The following GCH1 variants were observed in gnomAD, a reference collection of about 807,000 sequenced individuals.
GCH1 encodes the protein GTP cyclohydrolase I.
In GCH1, 5 loss-of-function variants were observed where a neutral mutation model predicts 25.9. The ratio of observed to expected loss-of-function variants is 0.19; its 90% CI spans 0.10 to 0.41. The LOEUF (loss-of-function observed/expected upper bound fraction) is 0.41. Among genes scored for constraint, GCH1 ranks in the 10% least tolerant of loss-of-function variants. The pLI is 1.00. For synonymous variants in GCH1, 159 were observed against 129.6 expected (o/e 1.23, Z -1.54); for missense variants, 261 against 336.5 (o/e 0.78, Z 1.75).
intron 3 of GCH1, among the ~76,000 whole-genome samples, chr14:54,852,196 A>C (rs2039741503): frequency 6.6e-6 from 1 of 152,230 alleles, no homozygotes; most frequent in East Asian, 1.9e-4. Flanking sequence ...AGGCTAATTG[A>C]TATAATAAGA....
intron 3 of GCH1, among the ~76,000 whole-genome samples, chr14:54,858,900 G>A (rs769682866): frequency 2.0e-5 from 3 of 152,204 alleles, no homozygotes; most frequent in Non-Finnish European, 4.4e-5. Context: ...GAACGTGTAT[G>A]TACATCACCT....
chr14:54,902,240 A>C, intron 1 of GCH1, 81 bp downstream of exon 1: 2 of 1,472,282 alleles, frequency 1.4e-6, no homozygotes, highest in South Asian at 1.2e-5. Flanking sequence ...CAACTCCGGA[A>C]ACTTCCTGGA....
chr14:54,891,148 G>T (rs974851025), intron 1 of GCH1, among the ~76,000 whole-genome samples: 1 of 152,136 alleles, frequency 6.6e-6, no homozygotes, highest in Non-Finnish European at 1.5e-5. Flanking sequence ...TGTCATCCAG[G>T]TTGGAGTGTA....
At chr14:54,890,789 G>A (rs1416060724) in intron 1 of GCH1, among the ~76,000 whole-genome samples, 4 of 152,088 alleles carry the variant, frequency 2.6e-5, no homozygotes, top group Non-Finnish European at 5.9e-5. Flanking sequence ...GACACGTTCT[G>A]CAAAAAACAA....
At chr14:54,897,276 G>A (rs1043617391) in intron 1 of GCH1, among the ~76,000 whole-genome samples, 4 of 138,500 alleles carry the variant, frequency 2.9e-5, no homozygotes, top group African/African-American at 9.3e-5. Context: ...TTGAGCCCCC[G>A]TGCCCAACCT....
At chr14:54,892,939 C>G (rs888059117) in intron 1 of GCH1, among the ~76,000 whole-genome samples, 2 of 151,950 alleles carry the variant, frequency 1.3e-5, no homozygotes, top group African/African-American at 2.4e-5. Flanking sequence ...ATTAGCCGAG[C>G]ATGGTGGTGG....
In GCH1 at chr14:54,902,318, G is replaced by A. The variant is rs781034069; in HGVS notation, c.343+3C>T. ...CGCTCTAGCAGCCCGCGGGCGCACT[G>A]ACCTGAGATGGTCTCCTGGTAGCCC... On this transcript the variant is annotated splice_donor_region_variant and intron_variant, in intron 1 of 5. Coordinates refer to ENST00000491895, the MANE Select transcript of GCH1 (RefSeq NM_000161.3). 6.2e-6 allele frequency: 10 copies of A among 1,611,872 alleles called. No individual in the cohort carries two copies. In the African/African-American group the frequency reaches 1.3e-4, roughly 22 times the overall value.
chr14:54,896,899 A>T (rs1240198783), intron 1 of GCH1, among the ~76,000 whole-genome samples: 5 of 146,002 alleles, frequency 3.4e-5, no homozygotes, highest in Non-Finnish European at 5.9e-5. Context: ...AGCCTGGGCT[A>T]CAGAGTGAGA....
chr14:54,884,799 C>CAACAA (rs1555361667), intron 1 of GCH1: 6 of 145,978 alleles, frequency 4.1e-5, no homozygotes, highest in African/African-American at 1.6e-4. Context: ...ACAACAACAA[C>CAACAA]AAAAAAAAAG....
chr14:54,852,778 T>C (rs1357562489), intron 3 of GCH1, among the ~76,000 whole-genome samples: 1 of 152,174 alleles, frequency 6.6e-6, no homozygotes, highest in African/African-American at 2.4e-5. Context: ...GTACTTGTTT[T>C]ATATCCTATC....
chr14:54,882,339 A>C (rs1019808703), intron 1 of GCH1, among the ~76,000 whole-genome samples: 1 of 152,222 alleles, frequency 6.6e-6, no homozygotes, highest in Non-Finnish European at 1.5e-5. Flanking sequence ...CTTATTTTAA[A>C]CTGTTTAGAT....
intron 1 of GCH1, among the ~76,000 whole-genome samples, chr14:54,897,829 C>A (rs142110185): frequency 6.6e-6 from 1 of 152,172 alleles, no homozygotes; most frequent in Non-Finnish European, 1.5e-5. Flanking sequence ...GACCATCCAA[C>A]GTAAAGCTTT....
chr14:54,889,042 A>T (rs1345423854), intron 1 of GCH1, among the ~76,000 whole-genome samples: 1 of 152,210 alleles, frequency 6.6e-6, no homozygotes, highest in Non-Finnish European at 1.5e-5. Flanking sequence ...GCAGCATGGG[A>T]TAAGTATGGC....
chr14:54,862,962 A>G (rs1242044080), intron 2 of GCH1, among the ~76,000 whole-genome samples: 1 of 152,160 alleles, frequency 6.6e-6, no homozygotes, highest in Non-Finnish European at 1.5e-5. Flanking sequence ...GGTATAACCA[A>G]ATGCAATGTA....
chr14:54,867,589 CAAAAA>C (rs1029899399), intron 1 of GCH1, among the ~76,000 whole-genome samples: 3 of 46,670 alleles, frequency 6.4e-5, no homozygotes, highest in Admixed American at 2.7e-4. Context: ...GACTCCGTCT[CAAAAA>C]AAAAAAAAAA....
chr14:54,861,374 G>A lies in GCH1; in HGVS notation c.454-1638C>T, dbSNP rs562644921. On this transcript the variant is annotated intron_variant, in intron 2 of 5. Coordinates refer to ENST00000491895, the MANE Select transcript of GCH1 (RefSeq NM_000161.3). ...ATTTTTACATTTCCATGCAGACACG[G>A]AATTTGTTCATTGTTTATACTATTT... is the stretch of plus-strand genomic sequence containing the variant. Among the ~76,000 whole-genome samples the A allele has an allele frequency of 1.1e-4, 17 of 152,212 alleles. No individual in the cohort carries two copies. In the South Asian group the frequency reaches 3.3e-3, roughly 30 times the overall value.
intron 1 of GCH1, among the ~76,000 whole-genome samples, chr14:54,878,639 T>C (rs1358540512): frequency 6.6e-6 from 1 of 152,198 alleles, no homozygotes; most frequent in African/African-American, 2.4e-5. Flanking sequence ...AGTTTCTGAG[T>C]TAAGCATTAT....
rs1280927893 is a variant in GCH1, at chr14:54,880,788, CTCCATATATATATATAT to C, written c.344-15369_344-15353del. 7.0e-5 allele frequency among the ~76,000 whole-genome samples: 4 copies of C among 57,442 alleles called. 1 individual carries two copies. Among genetic ancestry groups the C allele is most frequent in the African/African-American group, 3.8e-4 (4 of 10,434 alleles). The allele number at this position is 57,442 out of a possible 152,430, so 37.7% of individuals were successfully genotyped here. On this transcript the variant is annotated intron_variant, in intron 1 of 5. Coordinates refer to ENST00000491895, the MANE Select transcript of GCH1 (RefSeq NM_000161.3). Reference sequence around the variant, plus strand: ...TATATATACTCCATATATATATATACTCCATATATATATATATACTCCATATATATATATATATACTC... The same window carrying C: ...TATATATACTCCATATATATATATACACTCCATATATATATATATATACTC...
intron 1 of GCH1, among the ~76,000 whole-genome samples, chr14:54,882,868 G>A (rs927926805): frequency 6.6e-6 from 1 of 152,198 alleles, no homozygotes; most frequent in Non-Finnish European, 1.5e-5. Flanking sequence ...GAAGAGATAA[G>A]GGATCTTCCT....
Sources: gnomAD v4.1 joint callset for allele counts (sites outside exome capture counted in the v4.1 genomes callset) on GRCh38, gnomAD v4.1.1 for gene constraint, MANE v1.5 for transcripts, NCBI Gene and HGNC (gene_info 2026-07-23, HGNC 2026-07-21) for gene names.